The following TAFA1 variants were observed in gnomAD, a reference collection of about 807,000 sequenced individuals.
TAFA1 encodes TAFA chemokine like family member 1, also known as chemokine-like protein TAFA-1.
In TAFA1, 4 loss-of-function variants were observed where a neutral mutation model predicts 18.5. The ratio of observed to expected loss-of-function variants is 0.22; its 90% CI spans 0.11 to 0.49. The LOEUF is 0.49. Ranked by LOEUF, TAFA1 falls within the 20% of genes least tolerant of loss-of-function variation. The pLI is 0.98. For missense variants in TAFA1, 147 were observed against 169.0 expected (o/e 0.87, Z 0.72); for synonymous variants, 56 against 55.2 (o/e 1.01, Z -0.06).
At chr3:68,007,473 T>C (rs994906820) in intron 2 of TAFA1, among the ~76,000 whole-genome samples, 1 of 152,128 alleles carries the variant, frequency 6.6e-6, no homozygotes, top group African/African-American at 2.4e-5. Context: ...CTCTCCAGCT[T>C]TCTCATTACA....
chr3:68,458,388 A>G (rs1204007699), intron 3 of TAFA1, among the ~76,000 whole-genome samples: 1 of 152,172 alleles, frequency 6.6e-6, no homozygotes, highest in African/African-American at 2.4e-5. Flanking sequence ...AGAACTAACT[A>G]ACATATCTGG....
intron 2 of TAFA1, among the ~76,000 whole-genome samples, chr3:68,229,105 T>C (rs1423459470): frequency 1.3e-5 from 2 of 152,276 alleles, no homozygotes; most frequent in East Asian, 3.9e-4. Context: ...ATTCAAGAAA[T>C]CTTGGCTATG....
chr3:68,245,598 C>T (rs41388945), intron 2 of TAFA1, among the ~76,000 whole-genome samples: 2,934 of 152,266 alleles, frequency 0.019, 91 homozygotes, highest in African/African-American at 0.066. Flanking sequence ...CAGAGTTTTA[C>T]CGTAGTTCCA....
At chr3:68,484,130 A>G (rs926450049) in intron 3 of TAFA1, among the ~76,000 whole-genome samples, 8 of 152,250 alleles carry the variant, frequency 5.3e-5, no homozygotes, top group African/African-American at 1.7e-4. Context: ...TCATTTCAAC[A>G]TGTAATCAAT....
intron 2 of TAFA1, among the ~76,000 whole-genome samples, chr3:68,276,646 A>G (rs1419382148): frequency 6.6e-6 from 1 of 152,216 alleles, no homozygotes; most frequent in Non-Finnish European, 1.5e-5. Context: ...TGAGACATCC[A>G]TCAATGTAAA....
chr3:68,103,716 A>C (rs1189223243), intron 2 of TAFA1, among the ~76,000 whole-genome samples: 41 of 152,074 alleles, frequency 2.7e-4, no homozygotes, highest in Non-Finnish European at 1.5e-5. Context: ...TCATCATCAA[A>C]ATAATTAAAT....
intron 2 of TAFA1, among the ~76,000 whole-genome samples, chr3:68,197,173 T>A (rs1432445136): frequency 1.3e-5 from 2 of 151,756 alleles, no homozygotes; most frequent in African/African-American, 2.4e-5. Flanking sequence ...GTGTAGTAAT[T>A]TACTATGTTA....
intron 2 of TAFA1, among the ~76,000 whole-genome samples, chr3:68,270,592 T>A (rs1332531638): frequency 1.3e-5 from 2 of 152,192 alleles, no homozygotes; most frequent in Non-Finnish European, 2.9e-5. Flanking sequence ...AGGTTATCTG[T>A]GGACCCAGGA....
chr3:68,135,258 G>T (rs760978801), intron 2 of TAFA1, among the ~76,000 whole-genome samples: 1 of 152,122 alleles, frequency 6.6e-6, no homozygotes, highest in Non-Finnish European at 1.5e-5. Context: ...AAAGAGGAAG[G>T]GAAAATCGAT....
chr3:68,122,125 T>G (rs2065407258), intron 2 of TAFA1, among the ~76,000 whole-genome samples: 2 of 152,154 alleles, frequency 1.3e-5, no homozygotes, highest in Admixed American at 1.3e-4. Context: ...AACCTCATTC[T>G]GTCTAACTCA....
At chr3:68,140,132 A>T (rs1457121293) in intron 2 of TAFA1, among the ~76,000 whole-genome samples, 1 of 152,220 alleles carries the variant, frequency 6.6e-6, no homozygotes, top group Non-Finnish European at 1.5e-5. Context: ...GGCCTCAGTT[A>T]ATATGAGGTT....
chr3:68,335,963 C>T (rs2068963625), intron 2 of TAFA1, among the ~76,000 whole-genome samples: 1 of 152,120 alleles, frequency 6.6e-6, no homozygotes, highest in Admixed American at 6.5e-5. Context: ...TTCTATACAT[C>T]TCTTCCACCT....
intron 3 of TAFA1, among the ~76,000 whole-genome samples, chr3:68,426,520 C>T (rs111262628): frequency 7.3e-5 from 11 of 151,720 alleles, no homozygotes; most frequent in African/African-American, 1.7e-4. Context: ...AAATGCTTAC[C>T]GTCACTCACA....
chr3:68,509,174 G>A (rs539296507), intron 3 of TAFA1, among the ~76,000 whole-genome samples: 1 of 152,100 alleles, frequency 6.6e-6, no homozygotes, highest in South Asian at 2.1e-4. Context: ...TGTATTATTG[G>A]TTGTCACTTT....
intron 2 of TAFA1, among the ~76,000 whole-genome samples, chr3:68,332,085 G>A (rs1050249272): frequency 4.1e-4 from 62 of 151,646 alleles, no homozygotes; most frequent in Middle Eastern, 3.4e-3. Flanking sequence ...GGATGGTCTC[G>A]ATCTCCTGAC....
intron 2 of TAFA1, among the ~76,000 whole-genome samples, chr3:68,084,113 C>A (rs2064941651): frequency 6.6e-6 from 1 of 152,118 alleles, no homozygotes; most frequent in African/African-American, 2.4e-5. Flanking sequence ...GGTGACCAAA[C>A]ACGTGATGTG....
chr3:68,396,369 G>A (rs1351169244), intron 2 of TAFA1, among the ~76,000 whole-genome samples: 2 of 152,144 alleles, frequency 1.3e-5, no homozygotes, highest in African/African-American at 4.8e-5. Context: ...TATCCCTGGT[G>A]TCCCTTCTCT....
At chr3:68,268,045 T>C (rs1007592887) in intron 2 of TAFA1, among the ~76,000 whole-genome samples, 2 of 152,194 alleles carry the variant, frequency 1.3e-5, no homozygotes, top group African/African-American at 4.8e-5. Context: ...TTCCTTGTTC[T>C]TTGTGTTGAA....
At chr3:68,040,193 CT>C (rs760804888) in intron 2 of TAFA1, among the ~76,000 whole-genome samples, 2 of 152,094 alleles carry the variant, frequency 1.3e-5, no homozygotes, top group Non-Finnish European at 2.9e-5. Flanking sequence ...GTAACTGGAC[CT>C]TAAGTCTTGG....
Sources: allele counts gnomAD v4.1 joint callset (sites outside exome capture counted in the v4.1 genomes callset), GRCh38; gene constraint gnomAD v4.1.1; transcripts MANE v1.5; gene names NCBI Gene and HGNC (gene_info 2026-07-23, HGNC 2026-07-21).